CRPPA: variants seen among roughly 807,000 people sequenced by gnomAD.
The protein encoded by CRPPA is CDP-L-ribitol pyrophosphorylase A.
Under a neutral mutation model 52.0 loss-of-function variants are expected in CRPPA, and 43 were observed. The ratio of observed to expected loss-of-function variants is 0.83; its 90% CI spans 0.65 to 1.07. The LOEUF is 1.07. Ranked by LOEUF, CRPPA falls within the 50% of genes least tolerant of loss-of-function variation. The probability of loss-of-function intolerance (pLI) is 0.00; values close to 1 mark genes in which losing one functional copy is unlikely to be tolerated. For synonymous variants in CRPPA, 250 were observed against 203.5 expected (o/e 1.23, Z -1.94); for missense variants, 629 against 551.7 (o/e 1.14, Z -1.40).
At chr7:16,392,628 C>G (rs1787474533) in intron 2 of CRPPA, among the ~76,000 whole-genome samples, 1 of 152,152 alleles carries the variant, frequency 6.6e-6, no homozygotes, top group African/African-American at 2.4e-5. Flanking sequence ...ACACTGTGAA[C>G]TCGTTTCCCT....
intron 2 of CRPPA, among the ~76,000 whole-genome samples, chr7:16,399,342 A>T (rs1204638784): frequency 1.3e-5 from 2 of 152,118 alleles, no homozygotes; most frequent in Non-Finnish European, 2.9e-5. Flanking sequence ...AGTGTGATTG[A>T]CACATGACTG....
chr7:16,093,847 A>G (rs1372050806), intron 9 of CRPPA, among the ~76,000 whole-genome samples: 1 of 152,216 alleles, frequency 6.6e-6, no homozygotes, highest in Admixed American at 6.5e-5. Flanking sequence ...TGCAGGGTCT[A>G]TAACACACAT....
chr7:16,331,033 T>C (rs1352409666), intron 3 of CRPPA, among the ~76,000 whole-genome samples: 1 of 152,184 alleles, frequency 6.6e-6, no homozygotes, highest in African/African-American at 2.4e-5. Flanking sequence ...GGAGTCTCGC[T>C]CTGACGCCCA....
intron 9 of CRPPA, among the ~76,000 whole-genome samples, chr7:16,120,460 T>G (rs539971633): frequency 6.6e-6 from 1 of 152,278 alleles, no homozygotes; most frequent in South Asian, 2.1e-4. Flanking sequence ...ATCATTGTAC[T>G]ATATAGATGT....
chr7:16,261,051 GGTAA>G (rs1387409273), intron 6 of CRPPA, among the ~76,000 whole-genome samples: 2 of 151,904 alleles, frequency 1.3e-5, no homozygotes. Flanking sequence ...TACTCTGAAA[GGTAA>G]GTATCATTCC....
Position 16,419,513 on chromosome 7 carries a change from G to A in CRPPA, c.257+1553C>T, listed in dbSNP as rs564563922. The stretch of plus-strand genomic sequence containing the variant: ...GACTAACAAATTAGCTACAAGATTA[G>A]AAATTACAGTTTAGGGGTCATGCAT... On this transcript the variant is annotated intron_variant, in intron 1 of 9. Coordinates refer to ENST00000407010, the MANE Select transcript of CRPPA (RefSeq NM_001101426.4). Among the ~76,000 whole-genome samples the A allele has an allele frequency of 7.3e-5, 11 of 150,140 alleles. No individual in the cohort carries two copies. The East Asian group carries it at 1.6e-3, about 21-fold the overall frequency.
intron 9 of CRPPA, among the ~76,000 whole-genome samples, chr7:16,102,409 T>G (rs1782065038): frequency 6.6e-6 from 1 of 152,158 alleles, no homozygotes. Flanking sequence ...AAAGGCTTCA[T>G]GACTAAAACA....
chr7:16,249,348 T>C (rs888735487), intron 8 of CRPPA, among the ~76,000 whole-genome samples: 4 of 152,142 alleles, frequency 2.6e-5, no homozygotes, highest in Admixed American at 2.6e-4. Context: ...AAGAGAGCAG[T>C]GGTTCTCCCA....
At chr7:16,273,111 C>T (rs1318543978) in intron 6 of CRPPA, among the ~76,000 whole-genome samples, 1 of 120,402 alleles carries the variant, frequency 8.3e-6, no homozygotes, top group African/African-American at 3.1e-5. Flanking sequence ...GCTATCCCTC[C>T]CCCCTCCCCC....
At chr7:16,168,861 T>C (rs895768843) in intron 9 of CRPPA, among the ~76,000 whole-genome samples, 1 of 152,104 alleles carries the variant, frequency 6.6e-6, no homozygotes, top group African/African-American at 2.4e-5. Context: ...TCTCAACAAA[T>C]GAGGTGATGA....
In CRPPA at chr7:16,305,682, A is replaced by G. The variant is rs906282324; in HGVS notation, c.789+2841T>C. Among the ~76,000 whole-genome samples, 9 of 152,306 alleles carry G rather than the reference A, an allele frequency of 5.9e-5. No individual in the cohort carries two copies. The East Asian group carries it at 1.7e-3, about 29-fold the overall frequency. On this transcript the variant is annotated intron_variant, in intron 4 of 9. Transcript: ENST00000407010. ...GGAGATCAAGACCATCCTGGCCAAC[A>G]TGGTGAAACCCCGTCTCTACTAAAA...
intron 3 of CRPPA, among the ~76,000 whole-genome samples, chr7:16,312,856 C>T (rs1785062829): frequency 6.6e-6 from 1 of 151,788 alleles, no homozygotes; most frequent in Non-Finnish European, 1.5e-5. Context: ...TCTCTTTCTG[C>T]CTATTGATGT....
At chr7:16,283,720 T>C (rs549134830) in intron 5 of CRPPA, among the ~76,000 whole-genome samples, 2 of 151,822 alleles carry the variant, frequency 1.3e-5, no homozygotes, top group African/African-American at 2.4e-5. Flanking sequence ...CAGTCGCCCA[T>C]TGCACAGAGA....
chr7:16,254,185 C>T (rs1783546389), intron 8 of CRPPA, among the ~76,000 whole-genome samples: 1 of 152,142 alleles, frequency 6.6e-6, no homozygotes, highest in African/African-American at 2.4e-5. Flanking sequence ...TGTGGCAATT[C>T]CTCAAGGATC....
At chr7:16,143,911 A>G (rs747527571) in intron 9 of CRPPA, among the ~76,000 whole-genome samples, 8 of 152,206 alleles carry the variant, frequency 5.3e-5, no homozygotes, top group Non-Finnish European at 1.0e-4. Context: ...AAACGGAATT[A>G]GAATCCAGAA....
At position 16,189,724 on chromosome 7, in the gene CRPPA, T is replaced by C. The variant is rs117151925; in HGVS notation, c.1251+26342A>G. On this transcript the variant is annotated intron_variant, in intron 9 of 9. Coordinates refer to ENST00000407010, the MANE Select transcript of CRPPA (RefSeq NM_001101426.4). ...ATTGTGAATGTGTATTTAGTTAGTA[T>C]TAAGAAATGAGTTAGAGACTAGCAG... Among the ~76,000 whole-genome samples the C allele has an allele frequency of 5.5e-4, 84 of 152,306 alleles. 2 individuals carry two copies. In the East Asian group the frequency reaches 9.6e-3, roughly 17 times the overall value.
intron 6 of CRPPA, among the ~76,000 whole-genome samples, chr7:16,275,944 T>C (rs368876997): frequency 1.1e-4 from 16 of 151,660 alleles, no homozygotes; most frequent in Middle Eastern, 3.4e-3. Flanking sequence ...AGTCATAAAA[T>C]AAATGAAGAC....
At chr7:16,349,016 G>C (rs1388927238) in intron 3 of CRPPA, among the ~76,000 whole-genome samples, 1 of 152,202 alleles carries the variant, frequency 6.6e-6, no homozygotes. Flanking sequence ...TAGTATCAGA[G>C]GGTGCAGCTT....
intron 3 of CRPPA, among the ~76,000 whole-genome samples, chr7:16,375,718 T>C (rs1254158134): frequency 6.6e-6 from 1 of 152,166 alleles, no homozygotes; most frequent in Admixed American, 6.5e-5. Flanking sequence ...GGAATTTTTG[T>C]ATGTGCCAAG....
Sources: allele counts gnomAD v4.1 joint callset (sites outside exome capture counted in the v4.1 genomes callset), GRCh38; gene constraint gnomAD v4.1.1; transcripts MANE v1.5; gene names NCBI Gene and HGNC (gene_info 2026-07-23, HGNC 2026-07-21).